FAM114A2: variants seen among roughly 807,000 people sequenced by gnomAD.
FAM114A2 encodes protein FAM114A2.
In FAM114A2, 53 loss-of-function variants were observed where a neutral mutation model predicts 58.4. That is an observed-to-expected ratio of 0.91 (90% CI 0.73 to 1.14). FAM114A2 has a LOEUF of 1.14. Ranked by LOEUF, FAM114A2 falls within the 50% of genes most tolerant of loss-of-function variation. The pLI is 0.00. For synonymous variants in FAM114A2, 228 were observed against 211.4 expected (o/e 1.08, Z -0.68); for missense variants, 601 against 581.1 (o/e 1.03, Z -0.35).
At chr5:154,014,353 C>T (rs1421515620) in intron 8 of FAM114A2, among the ~76,000 whole-genome samples, 1 of 152,144 alleles carries the variant, frequency 6.6e-6, no homozygotes, top group Non-Finnish European at 1.5e-5. Flanking sequence ...CGTGGAGGCT[C>T]GCATCGTAAA....
chr5:154,028,059 A>G, intron 6 of FAM114A2, 90 bp downstream of exon 6: 1 of 1,194,750 alleles, frequency 8.4e-7, no homozygotes, highest in Non-Finnish European at 1.2e-6. Context: ...AATGCTTGAA[A>G]AGAAAACACT....
chr5:154,023,701 G>T (rs1658406548), intron 8 of FAM114A2, among the ~76,000 whole-genome samples: 1 of 151,876 alleles, frequency 6.6e-6, no homozygotes, highest in African/African-American at 2.4e-5. Flanking sequence ...CAGGTGATAG[G>T]TGCACCAAAT....
chr5:154,008,452 AT>A (rs1031820602), intron 9 of FAM114A2, among the ~76,000 whole-genome samples: 15 of 152,168 alleles, frequency 9.9e-5, no homozygotes, highest in African/African-American at 3.4e-4. Context: ...AAAATTTGAA[AT>A]TTTTTGAGTG....
At chr5:154,018,178 C>T (rs912373697) in intron 8 of FAM114A2, among the ~76,000 whole-genome samples, 3 of 151,880 alleles carry the variant, frequency 2.0e-5, no homozygotes, top group African/African-American at 7.3e-5. Context: ...CAAGATTAAC[C>T]AAGAAGAGAG....
chr5:154,000,842 T>C (rs977879870), intron 11 of FAM114A2, among the ~76,000 whole-genome samples: 8 of 152,192 alleles, frequency 5.3e-5, no homozygotes, highest in Admixed American at 1.3e-4. Context: ...CAAAATACCC[T>C]ACATTCCATT....
At chr5:154,017,577 C>T (rs1561559843) in intron 8 of FAM114A2, among the ~76,000 whole-genome samples, 1 of 152,114 alleles carries the variant, frequency 6.6e-6, no homozygotes, top group Admixed American at 6.5e-5. Context: ...TAAACTATAC[C>T]CTGGAACAAA....
At position 153,993,033 on chromosome 5, in the gene FAM114A2, G is replaced by A. The variant is rs981152427; in HGVS notation, c.1461C>T (p.Asn487=). ...GCTCATGTCTGTGTGATTCAATCTT[G>A]TTCTCAATGAGAGAGATCTCTAGCA... ...LPVLEISLIE[N]KIESHRHELQ... The change falls in exon 14 of 14, where the codon AAC becomes AAT. Residue 487 remains asparagine (N), a synonymous_variant. Coordinates refer to ENST00000351797, the MANE Select transcript of FAM114A2 (RefSeq NM_018691.4). The A allele has an allele frequency of 6.2e-7, 1 of 1,613,480 alleles. No homozygotes were observed. Among genetic ancestry groups the A allele is most frequent in the South Asian group, 1.1e-5 (1 of 91,014 alleles).
rs138103724 is a variant in FAM114A2, at chr5:154,031,985, C to G, written c.403+1806G>C. On this transcript the variant is annotated intron_variant, in intron 4 of 13. Transcript: ENST00000351797. Reference sequence around the variant, plus strand: ...GATGTTTCCACAGGTAGCTACTCTACGTTTACTTTATTTCATGTAAACTGC... The same window carrying G: ...GATGTTTCCACAGGTAGCTACTCTAGGTTTACTTTATTTCATGTAAACTGC... Among the ~76,000 whole-genome samples the G allele has an allele frequency of 6.9e-3, 1,055 of 152,316 alleles. 4 individuals carry two copies. The highest frequency in any genetic ancestry group is 0.01 in the Middle Eastern group (3 of 294).
intron 4 of FAM114A2, among the ~76,000 whole-genome samples, chr5:154,030,683 G>A (rs971601166): frequency 2.6e-5 from 4 of 152,228 alleles, no homozygotes; most frequent in Non-Finnish European, 5.9e-5. Context: ...TCAGAAAACC[G>A]TAGAGGAGGA....
rs1334308317 is a variant in FAM114A2, at chr5:154,002,893, T to C, written c.1070A>G (p.Gln357Arg). 3.7e-6 allele frequency: 6 copies of C among 1,613,996 alleles called. No homozygotes were observed. In the African/African-American group the frequency reaches 4.0e-5, roughly 11 times the overall value. The change falls in exon 10 of 14, where the codon CAG (glutamine) becomes CGG (arginine). Residue 357 changes from glutamine (Q) to arginine (R), a missense_variant. Physicochemically the swap from Gln to Arg is conservative, Grantham distance 43 (BLOSUM62 1). Coordinates refer to ENST00000351797, the MANE Select transcript of FAM114A2 (RefSeq NM_018691.4). ...PLAENEEGEKQSEAENTEQVN... is the reference protein window; with the variant it reads ...PLAENEEGEKRSEAENTEQVN... ...TTGCTCAGTATTTTCTGCTTCCGAC[T>C]GTTTTTCTCCTTCTTCATTCTCTGC... is the stretch of plus-strand genomic sequence containing the variant.
chr5:153,998,143 A>G (rs910296134), intron 11 of FAM114A2, among the ~76,000 whole-genome samples: 8 of 152,200 alleles, frequency 5.3e-5, no homozygotes, highest in Non-Finnish European at 1.0e-4. Flanking sequence ...CATCATCTTG[A>G]GTAGTGTGAT....
chr5:153,998,048 G>A (rs768322178), intron 11 of FAM114A2, among the ~76,000 whole-genome samples, 173 bp from the exon 12 acceptor site: 21 of 152,122 alleles, frequency 1.4e-4, no homozygotes, highest in Non-Finnish European at 2.2e-4. Flanking sequence ...ACTTTTTGCA[G>A]TTTCAGTTAC....
chr5:153,994,225 T>G (rs1769417258), intron 13 of FAM114A2, among the ~76,000 whole-genome samples: 1 of 152,196 alleles, frequency 6.6e-6, no homozygotes, highest in Non-Finnish European at 1.5e-5. Flanking sequence ...GTTAAAACAT[T>G]TTTTCAATTA....
At chr5:154,034,668 A>G (rs1460710246) in intron 2 of FAM114A2, 76 bp downstream of exon 2, 8 of 1,089,602 alleles carry the variant, frequency 7.3e-6, no homozygotes, top group Admixed American at 3.7e-5. Context: ...TATTTATGCC[A>G]AATTTCTTTT....
At chr5:154,017,371 G>C (rs1475979786) in intron 8 of FAM114A2, among the ~76,000 whole-genome samples, 2 of 152,252 alleles carry the variant, frequency 1.3e-5, no homozygotes, top group African/African-American at 4.8e-5. Context: ...GAACCTGGGA[G>C]GCAGAGGTTG....
chr5:154,019,077 T>C (rs1229441395), intron 8 of FAM114A2, among the ~76,000 whole-genome samples: 2 of 152,116 alleles, frequency 1.3e-5, no homozygotes, highest in Admixed American at 6.5e-5. Flanking sequence ...GAGAAAGAAA[T>C]AAAGGGCATC....
intron 8 of FAM114A2, among the ~76,000 whole-genome samples, chr5:154,015,921 TA>T (rs1340498595): frequency 2.0e-5 from 3 of 151,554 alleles, no homozygotes; most frequent in African/African-American, 4.9e-5. Flanking sequence ...ATAGCATAAA[TA>T]AAAAAACAAT....
chr5:154,017,208 C>T (rs564434227), intron 8 of FAM114A2, among the ~76,000 whole-genome samples: 1 of 152,112 alleles, frequency 6.6e-6, no homozygotes, highest in South Asian at 2.1e-4. Flanking sequence ...TTTGGGAGGC[C>T]GAGGCAGGTG....
intron 12 of FAM114A2, 44 bp from the exon 13 acceptor site, chr5:153,995,016 T>C: frequency 8.1e-7 from 1 of 1,242,046 alleles, no homozygotes; most frequent in Non-Finnish European, 1.2e-6. Context: ...GTAGGTTAAA[T>C]AACAGTAAGT....
Sources: gnomAD v4.1 joint callset for allele counts (sites outside exome capture counted in the v4.1 genomes callset) on GRCh38, gnomAD v4.1.1 for gene constraint, MANE v1.5 for transcripts, NCBI Gene and HGNC (gene_info 2026-07-23, HGNC 2026-07-21) for gene names.